Variants in CRMP1 observed in about 807,000 individuals in gnomAD.
CRMP1 encodes dihydropyrimidinase-related protein 1.
CRMP1 carries 19 observed loss-of-function variants against 68.3 expected under a neutral mutation model. That is an observed-to-expected ratio of 0.28 (90% CI 0.19 to 0.41). CRMP1 has a LOEUF of 0.41. Among genes scored for constraint, CRMP1 ranks in the 10% least tolerant of loss-of-function variants. The probability of loss-of-function intolerance (pLI) is 1.00; values close to 1 mark genes in which losing one functional copy is unlikely to be tolerated. For missense variants in CRMP1, 791 were observed against 967.4 expected (o/e 0.82, Z 2.42); for synonymous variants, 439 against 399.6 (o/e 1.10, Z -1.18).
rs1009131147 is a variant in CRMP1 at position 5,843,498 on chromosome 4, TG to T, written c.964-338del. ...GGAGTCTCCCTGCAGGCCTCTCCTC[TG>T]GGAAGAAACGTGGTGTTTGGGTACA... On this transcript the variant is annotated intron_variant, in intron 6 of 13. Transcript: ENST00000324989. This position sits in a 1 kb window ranked among gnomAD's most constrained non-coding sequence, Gnocchi z 4.1. Among the ~76,000 whole-genome samples, 13 of 152,130 alleles carry T rather than the reference TG, an allele frequency of 8.5e-5. No homozygotes were observed. The highest frequency in any genetic ancestry group is 2.9e-4 in the African/African-American group (12 of 41,424).
chr4:5,827,742 C>T (rs1183416040), intron 12 of CRMP1, among the ~76,000 whole-genome samples: 1 of 147,602 alleles, frequency 6.8e-6, no homozygotes, highest in Non-Finnish European at 1.5e-5. Flanking sequence ...TGCACACACA[C>T]ACACACACAC....
At chr4:5,848,617 T>C (rs1285280835) in intron 6 of CRMP1, among the ~76,000 whole-genome samples, 3 of 152,246 alleles carry the variant, frequency 2.0e-5, no homozygotes, top group Non-Finnish European at 4.4e-5. Flanking sequence ...GAACCTCACA[T>C]ACACGATGTC....
Position 5,841,250 on chromosome 4 carries a change from C to T in CRMP1, c.1153+58G>A. 5 of 1,612,948 alleles carry T rather than the reference C, an allele frequency of 3.1e-6. No homozygotes were observed. The highest frequency in any genetic ancestry group is 1.3e-5 in the African/African-American group (1 of 74,986). On this transcript the variant is annotated intron_variant, in intron 8 of 13. Coordinates refer to ENST00000324989, the MANE Select transcript of CRMP1 (RefSeq NM_001014809.3). The surrounding 1 kb of genome is among the most constrained non-coding windows in gnomAD (Gnocchi z 6.9). The stretch of plus-strand genomic sequence containing the variant: ...TCGGGAGGGAGTGAACTTGAACCTG[C>T]AGGACACCCCCTTCCAGGCCCCAGC...
At position 5,889,801 on chromosome 4, in the gene CRMP1, G is replaced by T; in HGVS notation, c.381+2788C>A. The T allele has an allele frequency of 6.6e-7, 1 of 1,518,906 alleles. No individual in the cohort carries two copies. The highest frequency in any genetic ancestry group is 8.8e-7 in the Non-Finnish European group (1 of 1,136,320). 94.1% of individuals were successfully genotyped at this position (1,518,906 alleles called of 1,614,324 possible). A position where few individuals can be genotyped will look rare whatever the true frequency, so the allele number is the denominator to read the frequency against. On this transcript the variant is annotated intron_variant, in intron 1 of 13. Coordinates refer to ENST00000324989, the MANE Select transcript of CRMP1 (RefSeq NM_001014809.3). The surrounding 1 kb of genome is among the most constrained non-coding windows in gnomAD (Gnocchi z 4.5). Reference sequence around the variant, plus strand: ...GGGGCCCTGACCTTCACCACCCCAGGGGCCAGTCCCCTAATCCAGGGCAGG... The same window carrying T: ...GGGGCCCTGACCTTCACCACCCCAGTGGCCAGTCCCCTAATCCAGGGCAGG...
chr4:5,871,289 G>T (rs1714423530), intron 1 of CRMP1, among the ~76,000 whole-genome samples: 1 of 152,170 alleles, frequency 6.6e-6, no homozygotes, highest in Non-Finnish European at 1.5e-5. Flanking sequence ...AAAGCCATGT[G>T]CTTCAGAACT....
intron 5 of CRMP1, among the ~76,000 whole-genome samples, chr4:5,851,022 T>C (rs895263715): frequency 6.6e-6 from 1 of 152,200 alleles, no homozygotes; most frequent in African/African-American, 2.4e-5. Context: ...TCAGAGCTCA[T>C]AAATGGTCCC....
rs1004480292 is a variant in CRMP1, at chr4:5,879,257, C to T, written c.382-12501G>A. 6.6e-6 allele frequency among the ~76,000 whole-genome samples: 1 copy of T among 152,234 alleles called. No individual in the cohort carries two copies. Among genetic ancestry groups the T allele is most frequent in the Admixed American group, 6.5e-5 (1 of 15,286 alleles). ...AACCTGTGCCTTCCTCTATGGCCTCCCTGCAGCATGCATCTCTGGCCACAT... is the reference window on the plus strand; with the variant it reads ...AACCTGTGCCTTCCTCTATGGCCTCTCTGCAGCATGCATCTCTGGCCACAT... On this transcript the variant is annotated intron_variant, in intron 1 of 13. Coordinates refer to ENST00000324989, the MANE Select transcript of CRMP1 (RefSeq NM_001014809.3). This position sits in a 1 kb window ranked among gnomAD's most constrained non-coding sequence, Gnocchi z 4.2.
rs1311246988 is a variant in CRMP1, at chr4:5,866,949, C to T, written c.382-193G>A. Among the ~76,000 whole-genome samples the T allele has an allele frequency of 6.6e-6, 1 of 152,182 alleles. No individual in the cohort carries two copies. Among genetic ancestry groups the T allele is most frequent in the African/African-American group, 2.4e-5 (1 of 41,442 alleles). On this transcript the variant is annotated intron_variant, in intron 1 of 13. Coordinates refer to ENST00000324989, the MANE Select transcript of CRMP1 (RefSeq NM_001014809.3). The surrounding 1 kb of genome is among the most constrained non-coding windows in gnomAD (Gnocchi z 5.9). ...CCTATTCTCCTTTCACCTTTCTCCC[C>T]TCTCACTTTGTTTTGTTTTTGCTGA...
At chr4:5,840,274 G>A (rs553861034) in intron 8 of CRMP1, among the ~76,000 whole-genome samples, 1 of 152,362 alleles carries the variant, frequency 6.6e-6, no homozygotes, top group Non-Finnish European at 1.5e-5. Flanking sequence ...CCGGAGGGCG[G>A]CTTCCCGAGC....
intron 1 of CRMP1, among the ~76,000 whole-genome samples, chr4:5,876,370 T>G (rs1185859024): frequency 6.6e-6 from 1 of 152,000 alleles, no homozygotes; most frequent in Non-Finnish European, 1.5e-5. Context: ...GTCATTGCAA[T>G]CACGAAGAGG....
chr4:5,888,609 T>G lies in CRMP1; in HGVS notation c.381+3980A>C. ...GGCTCGAACCAGGAAGCGCTTCCCTTCCGATCTCCCACCCCGCCCCCCGCC... is the reference window on the plus strand; with the variant it reads ...GGCTCGAACCAGGAAGCGCTTCCCTGCCGATCTCCCACCCCGCCCCCCGCC... On this transcript the variant is annotated intron_variant, in intron 1 of 13. Transcript: ENST00000324989. This position sits in a 1 kb window ranked among gnomAD's most constrained non-coding sequence, Gnocchi z 6.4. 1 of 1,019,064 alleles carries G rather than the reference T, an allele frequency of 9.8e-7. No homozygotes were observed. The highest frequency in any genetic ancestry group is 8.6e-5 in the East Asian group (1 of 11,566). 63.1% of individuals were successfully genotyped at this position (1,019,064 alleles called of 1,614,324 possible). A position where few individuals can be genotyped will look rare whatever the true frequency, so the allele number is the denominator to read the frequency against.
At chr4:5,839,700 CCTGGTT>C in intron 8 of CRMP1, 22 bp from the exon 9 acceptor site, 2 of 1,602,326 alleles carry the variant, frequency 1.2e-6, no homozygotes, top group Non-Finnish European at 1.7e-6. Context: ...AAAACATAAG[CCTGGTT>C]AAAAGCAAAT....
chr4:5,868,278 T>TATAG (rs1355475960), intron 1 of CRMP1, among the ~76,000 whole-genome samples: 2 of 82,196 alleles, frequency 2.4e-5, no homozygotes, highest in Admixed American at 1.9e-4. Context: ...TATATATATA[T>TATAG]ATATATATAT....
chr4:5,841,455 G>A lies in CRMP1; in HGVS notation c.1033-27C>T, dbSNP rs1711721958. On this transcript the variant is annotated intron_variant, in intron 7 of 13. Coordinates refer to ENST00000324989, the MANE Select transcript of CRMP1 (RefSeq NM_001014809.3). This position sits in a 1 kb window ranked among gnomAD's most constrained non-coding sequence, Gnocchi z 6.9. ...TGAACACGGCACACACAGTGTCACA[G>A]GAGGGAAGGCTGGTGTAACAGCTAC... The A allele has an allele frequency of 6.2e-7, 1 of 1,612,340 alleles. No individual in the cohort carries two copies. Among genetic ancestry groups the A allele is most frequent in the African/African-American group, 1.3e-5 (1 of 74,914 alleles).
intron 11 of CRMP1, among the ~76,000 whole-genome samples, chr4:5,829,368 G>A (rs188075305): frequency 2.6e-5 from 4 of 152,146 alleles, no homozygotes; most frequent in Non-Finnish European, 5.9e-5. Flanking sequence ...CAGCCTGGGG[G>A]ACAGAGCGAG....
intron 6 of CRMP1, among the ~76,000 whole-genome samples, chr4:5,849,087 G>T (rs1240108720): frequency 6.6e-6 from 1 of 152,186 alleles, no homozygotes; most frequent in African/African-American, 2.4e-5. Flanking sequence ...CTTGCCCAAG[G>T]TCACATGGCT....
Position 5,825,703 on chromosome 4 carries a change from G to T in CRMP1, c.1804-44C>A, listed in dbSNP as rs757604255. On this transcript the variant is annotated intron_variant, in intron 12 of 13. Transcript: ENST00000324989. The surrounding 1 kb of genome is among the most constrained non-coding windows in gnomAD (Gnocchi z 4.4). ...AGTGTGATTGATCGACACTGTGCATGTGTGCCCTTCTGGGCAGATAAAGCA... is the reference window on the plus strand; with the variant it reads ...AGTGTGATTGATCGACACTGTGCATTTGTGCCCTTCTGGGCAGATAAAGCA... 4 of 1,597,612 alleles carry T rather than the reference G, an allele frequency of 2.5e-6. No individual in the cohort carries two copies. The South Asian group carries it at 3.4e-5, about 14-fold the overall frequency.
Position 5,888,166 on chromosome 4 carries a change from C to T in CRMP1, c.381+4423G>A, listed in dbSNP as rs1715734181. 2 of 1,234,652 alleles carry T rather than the reference C, an allele frequency of 1.6e-6. No homozygotes were observed. Among genetic ancestry groups the T allele is most frequent in the South Asian group, 3.9e-5 (1 of 25,514 alleles). The allele number at this position is 1,234,652 out of a possible 1,614,324, so 76.5% of individuals were successfully genotyped here. ...CGGCGCCCCGTGGATCTGGACCCTG[C>T]CGGGCGCCCACTCCCAGCCCACAAA... On this transcript the variant is annotated intron_variant, in intron 1 of 13. Transcript: ENST00000324989. This position sits in a 1 kb window ranked among gnomAD's most constrained non-coding sequence, Gnocchi z 6.4.
rs1317790082 is a variant in CRMP1 at position 5,842,856 on chromosome 4, A to T, written c.1032+237T>A. Among the ~76,000 whole-genome samples, 1 of 152,098 alleles carries T rather than the reference A, an allele frequency of 6.6e-6. No individual in the cohort carries two copies. Among genetic ancestry groups the T allele is most frequent in the Non-Finnish European group, 1.5e-5 (1 of 68,002 alleles). On this transcript the variant is annotated intron_variant, in intron 7 of 13. Transcript: ENST00000324989. The surrounding 1 kb of genome is among the most constrained non-coding windows in gnomAD (Gnocchi z 4.5). Reference sequence around the variant, plus strand: ...GAATCCGTATCCACTTGGGACACTGAAGCACCCACGGGGCCTTGGAGTGAA... The same window carrying T: ...GAATCCGTATCCACTTGGGACACTGTAGCACCCACGGGGCCTTGGAGTGAA...
Sources: allele counts gnomAD v4.1 joint callset (sites outside exome capture counted in the v4.1 genomes callset), GRCh38; gene constraint gnomAD v4.1.1; non-coding constraint Gnocchi (gnomAD v3.1); transcripts MANE v1.5; gene names NCBI Gene and HGNC (gene_info 2026-07-23, HGNC 2026-07-21).